The following ESR2 variants were observed in gnomAD, a reference collection of about 807,000 sequenced individuals.
The protein encoded by ESR2 is estrogen receptor beta.
In ESR2, 36 loss-of-function variants were observed where a neutral mutation model predicts 49.6. The observed-to-expected ratio is 0.73, with a 90% CI of 0.56 to 0.96. The LOEUF is 0.96. ESR2 is among the 40% of genes least tolerant of loss of function. The pLI, the probability that ESR2 is intolerant of heterozygous loss-of-function variation, is 0.00. For synonymous variants in ESR2, 320 were observed against 266.1 expected (o/e 1.20, Z -1.97); for missense variants, 714 against 693.0 (o/e 1.03, Z -0.34).
chr14:64,327,589 G>A (rs767546144), intron 1 of ESR2, among the ~76,000 whole-genome samples: 9 of 152,242 alleles, frequency 5.9e-5, no homozygotes, highest in Admixed American at 3.3e-4. Flanking sequence ...CCAGCTACTC[G>A]GGAGACTGAG....
At chr14:64,236,820 T>C (rs2075612176) in intron 7 of ESR2, among the ~76,000 whole-genome samples, 4 of 152,088 alleles carry the variant, frequency 2.6e-5, no homozygotes, top group Admixed American at 6.6e-5. Flanking sequence ...CCTGATACTC[T>C]GACAGTGCCC....
chr14:64,277,350 G>A (rs1014254122), intron 3 of ESR2, among the ~76,000 whole-genome samples: 1 of 152,140 alleles, frequency 6.6e-6, no homozygotes, highest in Admixed American at 6.5e-5. Context: ...AATGGGCCAG[G>A]TGCGGTGGCT....
intron 5 of ESR2, among the ~76,000 whole-genome samples, chr14:64,258,785 C>T (rs905576590): frequency 6.6e-6 from 1 of 152,124 alleles, no homozygotes; most frequent in African/African-American, 2.4e-5. Flanking sequence ...TAGTGATTGA[C>T]AATAAGCCTA....
chr14:64,264,768 G>A (rs1051253954), intron 4 of ESR2, among the ~76,000 whole-genome samples: 1 of 151,968 alleles, frequency 6.6e-6, no homozygotes, highest in African/African-American at 2.4e-5. Context: ...AGCTACTCGG[G>A]AGGCTGAGGT....
chr14:64,235,575 A>G (rs1281364389), intron 7 of ESR2, among the ~76,000 whole-genome samples: 1 of 152,212 alleles, frequency 6.6e-6, no homozygotes, highest in African/African-American at 2.4e-5. Context: ...GGAATGGCCA[A>G]TGTGATGAAG....
intron 4 of ESR2, among the ~76,000 whole-genome samples, chr14:64,261,369 C>T (rs1052367056): frequency 6.6e-6 from 1 of 150,886 alleles, no homozygotes; most frequent in Admixed American, 6.6e-5. Context: ...TCCCGAGTAG[C>T]TAGGACTATG....
At chr14:64,311,368 G>A (rs2077186029) in intron 1 of ESR2, among the ~76,000 whole-genome samples, 1 of 152,066 alleles carries the variant, frequency 6.6e-6, no homozygotes, top group African/African-American at 2.4e-5. Context: ...CACTGGGGAT[G>A]GTGGTTCACG....
chr14:64,274,479 G>C (rs763588304), intron 3 of ESR2, among the ~76,000 whole-genome samples: 5 of 151,194 alleles, frequency 3.3e-5, no homozygotes, highest in Non-Finnish European at 7.4e-5. Flanking sequence ...GATTTTATTC[G>C]ACTCTTCTAT....
chr14:64,253,146 G>A (rs556830104), intron 6 of ESR2, among the ~76,000 whole-genome samples: 4 of 152,068 alleles, frequency 2.6e-5, no homozygotes, highest in Admixed American at 1.3e-4. Context: ...GTGAGCAACC[G>A]AGCCCGGCCA....
At chr14:64,318,750 T>C (rs111554949) in intron 1 of ESR2, among the ~76,000 whole-genome samples, 290 of 151,082 alleles carry the variant, frequency 1.9e-3, no homozygotes, top group African/African-American at 6.8e-3. Flanking sequence ...AGAAAAAATT[T>C]TAAATTAGCT....
chr14:64,317,503 C>T (rs2077270718), intron 1 of ESR2, among the ~76,000 whole-genome samples: 1 of 152,108 alleles, frequency 6.6e-6, no homozygotes, highest in South Asian at 2.1e-4. Context: ...GAGCCACACA[C>T]TTTTAAATTA....
At position 64,260,692 on chromosome 14, in the gene ESR2, C is replaced by A. The variant is rs766843910; in HGVS notation, c.709G>T (p.Glu237Ter). ...GCCTTGCCGGCACAGTGCAGCTGCT[C>A]GTCGGCACTTCTCTGTCTCCGCACA... The part of the protein sequence containing the change: ...RLVRRQRSAD[E>*]QLHCAGKAKR... Residue 237 changes from glutamate to a stop codon, truncating the protein, a stop_gained, in exon 5 of 9, where the codon GAG becomes TAG. Transcript: ENST00000341099. LOFTEE classifies it high-confidence loss of function. 3.8e-6 allele frequency: 6 copies of A among 1,565,398 alleles called. No individual in the cohort carries two copies. The highest frequency in any genetic ancestry group is 5.2e-6 in the Non-Finnish European group (6 of 1,152,622).
intron 3 of ESR2, among the ~76,000 whole-genome samples, chr14:64,278,121 A>G (rs999322026): frequency 1.3e-5 from 2 of 152,236 alleles, no homozygotes; most frequent in Non-Finnish European, 1.5e-5. Context: ...CAGAAAATCA[A>G]TATTGTTCTT....
In ESR2 at chr14:64,294,257, C is replaced by G. The variant is rs2140852773; in HGVS notation, c.-315G>C. 6.6e-6 allele frequency: 1 copy of G among 152,450 alleles called. No individual in the cohort carries two copies. The highest frequency in any genetic ancestry group is 2.4e-5 in the African/African-American group (1 of 41,594). 9.4% of individuals were successfully genotyped at this position (152,450 alleles called of 1,614,324 possible). A position where few individuals can be genotyped will look rare whatever the true frequency, so the allele number is the denominator to read the frequency against. On this transcript the variant is annotated 5_prime_UTR_variant, in exon 1 of 9. Transcript: ENST00000341099. The stretch of plus-strand genomic sequence containing the variant: ...CAGCGCTCGCCGCCTGCTCTTCGCC[C>G]TGCAAGTTTCAAGAGGCAGTTATTT...
In ESR2 at chr14:64,260,712, C is replaced by A; in HGVS notation, c.689G>T (p.Arg230Leu). The change falls in exon 5 of 9, where the codon CGG (arginine) becomes CTG (leucine). Residue 230 changes from arginine to leucine, a missense_variant. Transcript: ENST00000341099. ...CTGCTCGTCGGCACTTCTCTGTCTCCGCACAAGGCGGTACCCACATCTCTC... is the reference window on the plus strand; with the variant it reads ...CTGCTCGTCGGCACTTCTCTGTCTCAGCACAAGGCGGTACCCACATCTCTC... Reference protein sequence around the residue: ...RRERCGYRLVRRQRSADEQLH... With the variant: ...RRERCGYRLVLRQRSADEQLH... 1 of 1,541,150 alleles carries A rather than the reference C, an allele frequency of 6.5e-7. No individual in the cohort carries two copies. Among genetic ancestry groups the A allele is most frequent in the South Asian group, 1.2e-5 (1 of 80,874 alleles).
chr14:64,335,295 C>G (rs1020046747), intron 1 of ESR2, among the ~76,000 whole-genome samples: 1 of 152,168 alleles, frequency 6.6e-6, no homozygotes, highest in East Asian at 1.9e-4. Flanking sequence ...GATAACCTGA[C>G]TTTATCATTT....
At chr14:64,280,285 C>T in intron 2 of ESR2, 132 bp from the exon 3 acceptor site, 1 of 680,248 alleles carries the variant, frequency 1.5e-6, no homozygotes, top group African/African-American at 1.8e-5. Context: ...AAATATATTC[C>T]CGGAAATCTG....
chr14:64,233,053 A>C lies in ESR2; in HGVS notation c.*84T>G. The C allele has an allele frequency of 6.5e-7, 1 of 1,533,978 alleles. No homozygotes were observed. The highest frequency in any genetic ancestry group is 8.8e-7 in the Non-Finnish European group (1 of 1,138,242). On this transcript the variant is annotated 3_prime_UTR_variant, in exon 9 of 9. Transcript: ENST00000341099. ...ACCAAATGAGGGACCACACAGCAGA[A>C]AGATGAAGCCCAGGCTCCTGACACA...
At chr14:64,321,295 T>C (rs1272719618) in intron 1 of ESR2, among the ~76,000 whole-genome samples, 3 of 151,898 alleles carry the variant, frequency 2.0e-5, no homozygotes, top group African/African-American at 7.3e-5. Flanking sequence ...GAAGAGGGCA[T>C]TAATTGTCTA....
Sources: gnomAD v4.1 joint callset for allele counts (sites outside exome capture counted in the v4.1 genomes callset) on GRCh38, gnomAD v4.1.1 for gene constraint, MANE v1.5 for transcripts, NCBI Gene and HGNC (gene_info 2026-07-23, HGNC 2026-07-21) for gene names.